Variants in INPP4B observed in about 807,000 individuals in gnomAD.
INPP4B encodes the protein inositol polyphosphate-4-phosphatase type II B.
Under a neutral mutation model 122.5 loss-of-function variants are expected in INPP4B, and 55 were observed. The observed-to-expected ratio is 0.45, with a 90% CI of 0.36 to 0.56. INPP4B has a LOEUF of 0.56. Ranked by LOEUF, INPP4B falls within the 20% of genes least tolerant of loss-of-function variation. The pLI is 0.00. For missense variants in INPP4B, 1,000 were observed against 1,097.7 expected, an observed-to-expected ratio of 0.91 and a Z score of 1.26; for synonymous variants, 403 against 388.7, an observed-to-expected ratio of 1.04 and a Z score of -0.43.
At chr4:142,770,877 A>G (rs980854649) in intron 1 of INPP4B, among the ~76,000 whole-genome samples, 23 of 152,280 alleles carry the variant, frequency 1.5e-4, no homozygotes, top group Middle Eastern at 3.4e-3. Context: ...AACACAAGAA[A>G]AGGATCCAGC....
chr4:142,443,667 C>T (rs1229676162), intron 3 of INPP4B, among the ~76,000 whole-genome samples: 4 of 152,064 alleles, frequency 2.6e-5, no homozygotes, highest in Non-Finnish European at 5.9e-5. Context: ...AAGGCTACCT[C>T]CCACCAGAGG....
intron 17 of INPP4B, among the ~76,000 whole-genome samples, chr4:142,147,161 A>C (rs1811221877): frequency 6.6e-6 from 1 of 152,090 alleles, no homozygotes; most frequent in South Asian, 2.1e-4. Flanking sequence ...TTTCTCTATA[A>C]TAGAGCTATC....
intron 12 of INPP4B, among the ~76,000 whole-genome samples, chr4:142,221,589 G>T (rs1849414027): frequency 6.7e-6 from 1 of 150,368 alleles, no homozygotes; most frequent in South Asian, 2.1e-4. Context: ...AAACTCCAAT[G>T]GGCCATAAGA....
intron 2 of INPP4B, among the ~76,000 whole-genome samples, chr4:142,627,464 G>A (rs530105438): frequency 7.2e-6 from 1 of 139,320 alleles, no homozygotes; most frequent in Non-Finnish European, 1.6e-5. Flanking sequence ...TAGCATGAAG[G>A]GTTGTTGAAT....
At chr4:142,282,856 A>AG (rs1751836381) in intron 9 of INPP4B, among the ~76,000 whole-genome samples, 1 of 152,088 alleles carries the variant, frequency 6.6e-6, no homozygotes, top group Non-Finnish European at 1.5e-5. Context: ...CAGCTGCACC[A>AG]GGGGCTGAGA....
intron 15 of INPP4B, among the ~76,000 whole-genome samples, chr4:142,175,079 A>C (rs75533654): frequency 0.017 from 2,646 of 152,208 alleles, 31 homozygotes; most frequent in Non-Finnish European, 0.03. Flanking sequence ...AGAAGAGGGA[A>C]GTAATGGCTC....
chr4:142,218,063 C>T (rs1170856606), intron 12 of INPP4B, among the ~76,000 whole-genome samples: 4 of 117,730 alleles, frequency 3.4e-5, no homozygotes, highest in Non-Finnish European at 7.9e-5. Context: ...TGTGTGTGTT[C>T]TATTCTGTTT....
At chr4:142,735,422 C>T (rs1353444902) in intron 1 of INPP4B, among the ~76,000 whole-genome samples, 1 of 151,958 alleles carries the variant, frequency 6.6e-6, no homozygotes, top group Non-Finnish European at 1.5e-5. Context: ...AAAACTAATC[C>T]TTCAGTACTG....
intron 2 of INPP4B, among the ~76,000 whole-genome samples, chr4:142,716,764 T>C (rs990122537): frequency 3.3e-5 from 5 of 152,200 alleles, no homozygotes; most frequent in African/African-American, 7.2e-5. Context: ...GGCATATTCA[T>C]TGTGAAACGA....
intron 2 of INPP4B, among the ~76,000 whole-genome samples, chr4:142,525,809 C>T (rs1207212093): frequency 6.8e-6 from 1 of 147,054 alleles, no homozygotes; most frequent in Non-Finnish European, 1.5e-5. Context: ...TAGGCAATAC[C>T]ATTCAGGACA....
chr4:142,630,801 A>G (rs78663997), intron 2 of INPP4B, among the ~76,000 whole-genome samples: 2,055 of 152,164 alleles, frequency 0.014, 35 homozygotes, highest in African/African-American at 0.039. Flanking sequence ...TACTATGCTG[A>G]GGTGGTAGGT....
At chr4:142,218,515 C>T (rs1197572025) in intron 12 of INPP4B, among the ~76,000 whole-genome samples, 3 of 151,958 alleles carry the variant, frequency 2.0e-5, no homozygotes, top group Admixed American at 1.3e-4. Flanking sequence ...ACGGAAAAGT[C>T]GTAAGACAAA....
intron 18 of INPP4B, among the ~76,000 whole-genome samples, chr4:142,130,153 G>A (rs1202456797): frequency 6.6e-6 from 1 of 152,142 alleles, no homozygotes; most frequent in Non-Finnish European, 1.5e-5. Context: ...AAACTTAAAG[G>A]AAGTCACATG....
At chr4:142,326,036 A>T (rs958759992) in intron 7 of INPP4B, among the ~76,000 whole-genome samples, 1 of 152,216 alleles carries the variant, frequency 6.6e-6, no homozygotes, top group Admixed American at 6.5e-5. Flanking sequence ...GCCAGATAAG[A>T]GGTTTTGTTT....
intron 25 of INPP4B, among the ~76,000 whole-genome samples, chr4:142,069,582 G>A (rs968950070): frequency 1.6e-4 from 25 of 152,110 alleles, no homozygotes; most frequent in East Asian, 1.2e-3. Flanking sequence ...TTGATAGATC[G>A]CTAGCAAGAC....
At position 142,768,726 on chromosome 4, in the gene INPP4B, A is replaced by G. The variant is rs191535541; in HGVS notation, c.-253-42825T>C. On this transcript the variant is annotated intron_variant, in intron 1 of 25. Transcript: ENST00000262992. ...GTCACAGAAACAAGAAAGAACATGA[A>G]GCTTTTAGAGAACAGCCAGGGGATC... 1.3e-4 allele frequency among the ~76,000 whole-genome samples: 19 copies of G among 151,408 alleles called. No individual in the cohort carries two copies. In the East Asian group the frequency reaches 3.3e-3, roughly 26 times the overall value.
At chr4:142,117,067 A>G (rs1284358089) in intron 21 of INPP4B, among the ~76,000 whole-genome samples, 2 of 152,200 alleles carry the variant, frequency 1.3e-5, no homozygotes, top group African/African-American at 4.8e-5. Context: ...TCTAGAAGAA[A>G]TGGATAAATT....
chr4:142,312,830 A>C (rs1766049939), intron 8 of INPP4B, among the ~76,000 whole-genome samples: 1 of 152,166 alleles, frequency 6.6e-6, no homozygotes, highest in African/African-American at 2.4e-5. Context: ...ACCTGTGCCC[A>C]TCAGAGAGCC....
intron 25 of INPP4B, among the ~76,000 whole-genome samples, chr4:142,042,235 A>G (rs557195107): frequency 6.6e-6 from 1 of 152,284 alleles, no homozygotes; most frequent in South Asian, 2.1e-4. Context: ...CCAATGCACA[A>G]TGCTAGTGGC....
Sources: gnomAD v4.1 joint callset for allele counts (sites outside exome capture counted in the v4.1 genomes callset) on GRCh38, gnomAD v4.1.1 for gene constraint, MANE v1.5 for transcripts, NCBI Gene and HGNC (gene_info 2026-07-23, HGNC 2026-07-21) for gene names.